Variants in HSPA12A observed in about 807,000 individuals in gnomAD.
HSPA12A encodes the protein heat shock protein family A (Hsp70) member 12A, also known as heat shock 70 kDa protein 12A.
A neutral mutation model predicts 69.2 loss-of-function variants in HSPA12A; 28 were observed. The observed-to-expected ratio is 0.40, with a 90% CI of 0.30 to 0.55. The LOEUF is 0.55. HSPA12A is among the 20% of genes least tolerant of loss of function. The pLI, the probability that HSPA12A is intolerant of heterozygous loss-of-function variation, is 0.38. For synonymous variants in HSPA12A, 345 were observed against 370.5 expected, an observed-to-expected ratio of 0.93 and a Z score of 0.79; for missense variants, 686 against 900.7, an observed-to-expected ratio of 0.76 and a Z score of 3.05.
intron 2 of HSPA12A, chr10:116,829,585 G>C (rs1171439683): frequency 1.3e-5 from 2 of 152,228 alleles, no homozygotes; most frequent in African/African-American, 4.8e-5. Flanking sequence ...GGCCAGGTGG[G>C]GCGGGCTCAC....
chr10:116,840,039 C>G (rs1845780297), intron 1 of HSPA12A, among the ~76,000 whole-genome samples: 1 of 151,826 alleles, frequency 6.6e-6, no homozygotes, highest in Admixed American at 6.6e-5. Flanking sequence ...TAGTTAAAAA[C>G]AAAACACATG....
intron 2 of HSPA12A, among the ~76,000 whole-genome samples, chr10:116,800,913 T>G (rs1250067110): frequency 6.6e-6 from 1 of 152,194 alleles, no homozygotes; most frequent in African/African-American, 2.4e-5. Flanking sequence ...CCGGGGGTGC[T>G]GGGGGCAGGG....
chr10:116,815,452 G>A (rs897976583), intron 2 of HSPA12A, among the ~76,000 whole-genome samples: 10 of 152,202 alleles, frequency 6.6e-5, no homozygotes, highest in East Asian at 3.9e-4. Context: ...GTGCGTGCCC[G>A]TAGCCCCAGC....
intron 1 of HSPA12A, among the ~76,000 whole-genome samples, chr10:116,738,854 G>A (rs912368630): frequency 6.6e-6 from 1 of 152,172 alleles, no homozygotes; most frequent in Non-Finnish European, 1.5e-5. Context: ...AAGGCTCTGG[G>A]AAACACAAGA....
intron 2 of HSPA12A, among the ~76,000 whole-genome samples, chr10:116,820,943 A>G (rs1017871880): frequency 6.7e-6 from 1 of 150,068 alleles, no homozygotes; most frequent in Admixed American, 6.6e-5. Context: ...CATCATCCTT[A>G]CTCCTCTCTT....
In HSPA12A at chr10:116,675,246, A is replaced by G. The variant is rs782060140; in HGVS notation, c.1563T>C (p.Phe521=). 1.2e-6 allele frequency: 2 copies of G among 1,613,706 alleles called. No individual in the cohort carries two copies. The highest frequency in any genetic ancestry group is 2.2e-5 in the East Asian group (1 of 44,856). The part of the protein sequence containing the change: ...GLTILKGAVL[F]GLDPAVIKVR... ...CCTTGATGACCGCGGGGTCCAGGCC[A>G]AAGAGGACGGCACCCTTGAGGATGG... Residue 521 remains phenylalanine (F), a synonymous_variant, in exon 12 of 12, where the codon TTT becomes TTC. Coordinates refer to ENST00000369209, the MANE Select transcript of HSPA12A (RefSeq NM_025015.3). The surrounding 1 kb of genome is among the most constrained non-coding windows in gnomAD (Gnocchi z 5.2).
chr10:116,709,824 C>T (rs139690221), intron 1 of HSPA12A, among the ~76,000 whole-genome samples: 126 of 152,256 alleles, frequency 8.3e-4, no homozygotes, highest in Non-Finnish European at 3.4e-4. Flanking sequence ...CTGAATCATA[C>T]ACTTAAAATG....
intron 10 of HSPA12A, among the ~76,000 whole-genome samples, chr10:116,677,820 A>G (rs991366884): frequency 1.2e-4 from 18 of 152,214 alleles, no homozygotes; most frequent in African/African-American, 4.3e-4. Context: ...GAAGGCTCCT[A>G]CTGGCCGAGA....
chr10:116,790,147 G>A (rs1239147583), intron 2 of HSPA12A, among the ~76,000 whole-genome samples: 6 of 137,976 alleles, frequency 4.3e-5, no homozygotes, highest in African/African-American at 1.6e-4. Context: ...TGTCGCCCAG[G>A]CCGGACTGCA....
At chr10:116,827,416 C>T (rs1337492033) in intron 2 of HSPA12A, 1 of 152,372 alleles carries the variant, frequency 6.6e-6, no homozygotes, top group African/African-American at 2.4e-5. Context: ...TCCACACCTA[C>T]TACAGCCGAT....
rs1450817496 is a variant in HSPA12A at position 116,681,569 on chromosome 10, G to A, written c.922+222C>T. Among the ~76,000 whole-genome samples, 5 of 152,276 alleles carry A rather than the reference G, an allele frequency of 3.3e-5. No homozygotes were observed. The East Asian group carries it at 7.7e-4, about 23-fold the overall frequency. ...TAGTGAGTGCCCTAAAATCATCTGC[G>A]TTTCACCAAAGACTTACTCTGGAAC... On this transcript the variant is annotated intron_variant, in intron 8 of 11. Transcript: ENST00000369209.
At chr10:116,683,671 C>A in intron 7 of HSPA12A, 120 bp downstream of exon 7, 8 of 1,062,406 alleles carry the variant, frequency 7.5e-6, no homozygotes, top group Non-Finnish European at 9.0e-6. Context: ...CCCACCTCCT[C>A]CCGGAGTATC....
In HSPA12A at chr10:116,697,072, T is replaced by C. The variant is rs1364433205; in HGVS notation, c.546+1563A>G. ...GATTTCTACACTGCCATAACTTGTA[T>C]AGGATTTCACACATAAAAGGTACTC... is the stretch of plus-strand genomic sequence containing the variant. On this transcript the variant is annotated intron_variant, in intron 5 of 11. Coordinates refer to ENST00000369209, the MANE Select transcript of HSPA12A (RefSeq NM_025015.3). Among the ~76,000 whole-genome samples, 3 of 152,140 alleles carry C rather than the reference T, an allele frequency of 2.0e-5. No individual in the cohort carries two copies. In the East Asian group the frequency reaches 5.8e-4, roughly 29 times the overall value.
chr10:116,835,996 A>C lies in HSPA12A; in HGVS notation c.4-974T>G, dbSNP rs184252254. On this transcript the variant is annotated intron_variant, in intron 1 of 12. Transcript: ENST00000635765. Reference sequence around the variant, plus strand: ...ATAACAGTAAATGGGGAAAGAGAAAACGGCTCATCATGATGGGGCATTTAG... The same window carrying C: ...ATAACAGTAAATGGGGAAAGAGAAACCGGCTCATCATGATGGGGCATTTAG... 4.7e-4 allele frequency among the ~76,000 whole-genome samples: 71 copies of C among 152,282 alleles called. 1 individual carries two copies. In the East Asian group the frequency reaches 8.7e-3, roughly 19 times the overall value.
intron 3 of HSPA12A, among the ~76,000 whole-genome samples, chr10:116,703,860 T>C (rs1286438808): frequency 6.6e-6 from 1 of 152,226 alleles, no homozygotes; most frequent in African/African-American, 2.4e-5. Context: ...ACTTTGCCTA[T>C]GGGGCCACTT....
At chr10:116,726,481 C>T (rs1301257206) in intron 1 of HSPA12A, among the ~76,000 whole-genome samples, 1 of 151,816 alleles carries the variant, frequency 6.6e-6, no homozygotes, top group Non-Finnish European at 1.5e-5. Flanking sequence ...CCAGCTCCAG[C>T]AGTAAAAGGT....
Position 116,683,825 on chromosome 10 carries a change from G to A in HSPA12A, c.801C>T (p.Ser267=), listed in dbSNP as rs782139430. Residue 267 remains serine, a synonymous_variant, in exon 7 of 12, where the codon AGC becomes AGT. Coordinates refer to ENST00000369209, the MANE Select transcript of HSPA12A (RefSeq NM_025015.3). ...LSSKAAVNGY[S]GSDTVGAGFT... ...ACCCAGCTCCTACTGTGTCACTGCC[G>A]CTGTACCCATTGACGGCTGCCTTGC... 33 of 1,590,928 alleles carry A rather than the reference G, an allele frequency of 2.1e-5. No homozygotes were observed. Among genetic ancestry groups the A allele is most frequent in the South Asian group, 3.4e-5 (3 of 89,418 alleles).
chr10:116,774,044 C>G (rs200548983), intron 2 of HSPA12A, among the ~76,000 whole-genome samples: 1 of 151,142 alleles, frequency 6.6e-6, no homozygotes. Context: ...GAGTCTCGCT[C>G]TGTCCCCCAG....
chr10:116,801,672 T>C (rs560247677), intron 2 of HSPA12A, among the ~76,000 whole-genome samples: 1 of 152,170 alleles, frequency 6.6e-6, no homozygotes, highest in Non-Finnish European at 1.5e-5. Context: ...TCAAACCTAA[T>C]ACGTGGTAAG....
Sources: gnomAD v4.1 joint callset for allele counts (sites outside exome capture counted in the v4.1 genomes callset) on GRCh38, gnomAD v4.1.1 for gene constraint, Gnocchi (gnomAD v3.1) non-coding constraint, MANE v1.5 for transcripts, NCBI Gene and HGNC (gene_info 2026-07-23, HGNC 2026-07-21) for gene names.